The following ANO2 variants were observed in gnomAD, a reference collection of about 807,000 sequenced individuals.
ANO2 encodes the protein anoctamin-2.
A neutral mutation model predicts 124.2 loss-of-function variants in ANO2; 101 were observed. The observed-to-expected ratio is 0.81, with a 90% CI of 0.69 to 0.96. ANO2 has a LOEUF of 0.96. ANO2 is among the 40% of genes least tolerant of loss of function. ANO2 has a pLI of 0.00. For synonymous variants in ANO2, 486 were observed against 482.5 expected (o/e 1.01, Z -0.09); for missense variants, 1,293 against 1,274.5 (o/e 1.01, Z -0.22).
At chr12:5,914,392 A>G (rs1178884636) in intron 3 of ANO2, among the ~76,000 whole-genome samples, 1 of 152,122 alleles carries the variant, frequency 6.6e-6, no homozygotes, top group Admixed American at 6.5e-5. Flanking sequence ...GTCAGGGGTC[A>G]GAGACATCTC....
At chr12:5,813,382 G>A (rs1953497650) in intron 7 of ANO2, among the ~76,000 whole-genome samples, 1 of 152,102 alleles carries the variant, frequency 6.6e-6, no homozygotes. Context: ...TCACTCTAGA[G>A]TTCCTAAGAA....
chr12:5,853,965 C>T, intron 4 of ANO2, 78 bp downstream of exon 4: 1 of 1,117,430 alleles, frequency 8.9e-7, no homozygotes, highest in Non-Finnish European at 1.3e-6. Context: ...ACCCACATCC[C>T]ACCTGGCCCT....
intron 13 of ANO2, among the ~76,000 whole-genome samples, chr12:5,734,609 T>C (rs1484928312): frequency 6.6e-6 from 1 of 151,998 alleles, no homozygotes; most frequent in East Asian, 1.9e-4. Flanking sequence ...CCTCCCCCCA[T>C]GCTGGGCCCC....
intron 14 of ANO2, among the ~76,000 whole-genome samples, chr12:5,676,710 A>G (rs1341065465): frequency 6.6e-6 from 1 of 152,210 alleles, no homozygotes; most frequent in Non-Finnish European, 1.5e-5. Context: ...TACTAAAAAT[A>G]AAAGGTTTGT....
At chr12:5,789,210 A>C (rs544167935) in intron 10 of ANO2, among the ~76,000 whole-genome samples, 1 of 152,318 alleles carries the variant, frequency 6.6e-6, no homozygotes, top group African/African-American at 2.4e-5. Flanking sequence ...TAGGGCAGGG[A>C]CACCCTTAGT....
chr12:5,872,548 C>G lies in ANO2; in HGVS notation c.535-18407G>C, dbSNP rs117374637. Among the ~76,000 whole-genome samples, 140 of 152,292 alleles carry G rather than the reference C, an allele frequency of 9.2e-4. No homozygotes were observed. In the East Asian group the frequency reaches 0.025, roughly 28 times the overall value. On this transcript the variant is annotated intron_variant, in intron 3 of 24. Transcript: ENST00000682330. The stretch of plus-strand genomic sequence containing the variant: ...GTCTAGGGGCCTTTCTGAAGAGCCT[C>G]AAATCATGCTACCTACATGCTGTTT...
chr12:5,711,776 T>C (rs371394007), intron 14 of ANO2, among the ~76,000 whole-genome samples: 43 of 152,334 alleles, frequency 2.8e-4, no homozygotes, highest in African/African-American at 1.0e-3. Flanking sequence ...CAGACTAGAA[T>C]GTAGATTAAC....
chr12:5,640,277 G>C (rs995812482), intron 15 of ANO2, among the ~76,000 whole-genome samples: 1 of 152,140 alleles, frequency 6.6e-6, no homozygotes, highest in Non-Finnish European at 1.5e-5. Context: ...GTGAAGAAAG[G>C]AATGAGATGA....
At position 5,736,052 on chromosome 12, in the gene ANO2, T is replaced by C. The variant is rs575849743; in HGVS notation, c.1434+3265A>G. Reference sequence around the variant, plus strand: ...CTGAAGATTATCCCATTTTAGAGTATAAAACTCTGGAGGTCTGACAGATCT... The same window carrying C: ...CTGAAGATTATCCCATTTTAGAGTACAAAACTCTGGAGGTCTGACAGATCT... On this transcript the variant is annotated intron_variant, in intron 13 of 24. Coordinates refer to ENST00000682330, the MANE Select transcript of ANO2 (RefSeq NM_001364791.2). Among the ~76,000 whole-genome samples, 23 of 152,282 alleles carry C rather than the reference T, an allele frequency of 1.5e-4. No homozygotes were observed. In the South Asian group the frequency reaches 3.1e-3, roughly 21 times the overall value.
intron 13 of ANO2, among the ~76,000 whole-genome samples, chr12:5,736,424 T>C (rs549351087): frequency 6.6e-6 from 1 of 152,248 alleles, no homozygotes; most frequent in South Asian, 2.1e-4. Flanking sequence ...GTGGATACCA[T>C]GGGGAAGAAA....
chr12:5,780,578 A>G (rs971108038), intron 10 of ANO2, among the ~76,000 whole-genome samples: 1 of 152,358 alleles, frequency 6.6e-6, no homozygotes, highest in African/African-American at 2.4e-5. Context: ...TGATTTCAGT[A>G]GAGACTACAA....
rs1170872748 is a variant in ANO2 at position 5,794,720 on chromosome 12, A to T, written c.1055+4787T>A. Among the ~76,000 whole-genome samples, 3 of 152,304 alleles carry T rather than the reference A, an allele frequency of 2.0e-5. No individual in the cohort carries two copies. In the East Asian group the frequency reaches 5.8e-4, roughly 29 times the overall value. ...TCCCTACATAACTCCTAGATCTTAA[A>T]GGCCATAAGCTCTCCCTTCATCGTT... On this transcript the variant is annotated intron_variant, in intron 10 of 24. Coordinates refer to ENST00000682330, the MANE Select transcript of ANO2 (RefSeq NM_001364791.2).
chr12:5,861,112 C>T (rs1215363708), intron 3 of ANO2, among the ~76,000 whole-genome samples: 2 of 152,184 alleles, frequency 1.3e-5, no homozygotes, highest in Non-Finnish European at 2.9e-5. Flanking sequence ...CCTCCAAGCA[C>T]ACCTAACATA....
chr12:5,743,472 C>CATGT (rs1555154779), intron 12 of ANO2, among the ~76,000 whole-genome samples: 1 of 149,454 alleles, frequency 6.7e-6, no homozygotes, highest in African/African-American at 2.5e-5. Context: ...TGAGAATAGG[C>CATGT]GTGTGTGTGT....
chr12:5,746,357 G>A (rs533066596), intron 11 of ANO2, among the ~76,000 whole-genome samples: 13 of 152,314 alleles, frequency 8.5e-5, no homozygotes, highest in Admixed American at 5.9e-4. Context: ...TGTGAAGTCA[G>A]AATGCTTTAT....
rs1017334547 is a variant in ANO2 at position 5,769,455 on chromosome 12, A to G, written c.1056-18485T>C. Among the ~76,000 whole-genome samples the G allele has an allele frequency of 3.4e-5, 5 of 148,734 alleles. No individual in the cohort carries two copies. The highest frequency in any genetic ancestry group is 2.0e-4 in the Admixed American group (3 of 14,908). The stretch of plus-strand genomic sequence containing the variant: ...GAGAAATGAGGTGCAAGTGACACTT[A>G]GGTAAGTAAGTAAGGCATACAAGAG... On this transcript the variant is annotated intron_variant, in intron 10 of 24. Coordinates refer to ENST00000682330, the MANE Select transcript of ANO2 (RefSeq NM_001364791.2). This position sits in a 1 kb window ranked among gnomAD's most constrained non-coding sequence, Gnocchi z 4.0.
At chr12:5,643,309 A>C (rs1362837517) in intron 15 of ANO2, among the ~76,000 whole-genome samples, 2 of 152,222 alleles carry the variant, frequency 1.3e-5, no homozygotes, top group Admixed American at 6.5e-5. Flanking sequence ...TGAACTCTCT[A>C]TGAGTAGAAT....
intron 10 of ANO2, among the ~76,000 whole-genome samples, chr12:5,763,864 CA>C (rs954990358): frequency 3.3e-5 from 5 of 151,884 alleles, no homozygotes; most frequent in African/African-American, 1.2e-4. Context: ...AGAAAAAAGT[CA>C]ATGAAACTAA....
At chr12:5,723,362 G>A (rs1014535990) in intron 14 of ANO2, among the ~76,000 whole-genome samples, 1 of 152,202 alleles carries the variant, frequency 6.6e-6, no homozygotes, top group African/African-American at 2.4e-5. Flanking sequence ...GTGGAGCCTT[G>A]TGGCTGGTTT....
Sources: allele counts gnomAD v4.1 joint callset (sites outside exome capture counted in the v4.1 genomes callset), GRCh38; gene constraint gnomAD v4.1.1; non-coding constraint Gnocchi (gnomAD v3.1); transcripts MANE v1.5; gene names NCBI Gene and HGNC (gene_info 2026-07-23, HGNC 2026-07-21).